The following CSMD1 variants were observed in gnomAD, a reference collection of about 807,000 sequenced individuals.
CSMD1 encodes CUB and sushi domain-containing protein 1.
A neutral mutation model predicts 417.5 loss-of-function variants in CSMD1; 213 were observed. The ratio of observed to expected loss-of-function variants is 0.51; its 90% CI spans 0.46 to 0.57. The LOEUF (loss-of-function observed/expected upper bound fraction) is 0.57, where lower values mean the gene tolerates loss of function less well. Ranked by LOEUF, CSMD1 falls within the 20% of genes least tolerant of loss-of-function variation. The probability of loss-of-function intolerance (pLI) is 0.00; values close to 1 mark genes in which losing one functional copy is unlikely to be tolerated. For synonymous variants in CSMD1, 2,862 were observed against 1,736.8 expected (o/e 1.65, Z -16.11); for missense variants, 6,923 against 4,529.7 (o/e 1.53, Z -15.17).
At chr8:3,912,949 A>G (rs2554702) in intron 5 of CSMD1, among the ~76,000 whole-genome samples, 61,938 of 152,024 alleles carry the variant, frequency 0.41, 15,052 homozygotes, top group African/African-American at 0.69. Flanking sequence ...GGGTGTGAAC[A>G]TGGATTGAGA....
intron 51 of CSMD1, 69 bp downstream of exon 51, chr8:3,029,250 C>T: frequency 7.6e-7 from 1 of 1,317,462 alleles, no homozygotes; most frequent in Non-Finnish European, 1.0e-6. Context: ...AGAAGCTCAC[C>T]ACTGACATAA....
intron 49 of CSMD1, among the ~76,000 whole-genome samples, chr8:3,061,938 G>C (rs982140958): frequency 1.3e-5 from 2 of 152,132 alleles, no homozygotes; most frequent in African/African-American, 4.8e-5. Flanking sequence ...TCAGATATCA[G>C]AGTAGCTGAT....
intron 23 of CSMD1, among the ~76,000 whole-genome samples, chr8:3,340,849 C>G (rs155328): frequency 0.98 from 149,824 of 152,154 alleles, 73,807 homozygotes; most frequent in East Asian, 1. Flanking sequence ...CCTGAGGAGT[C>G]TCCGGGTTTT....
intron 7 of CSMD1, among the ~76,000 whole-genome samples, chr8:3,642,564 G>A (rs1426022783): frequency 6.6e-6 from 1 of 152,140 alleles, no homozygotes; most frequent in Admixed American, 6.5e-5. Context: ...AGGAACAGAA[G>A]TTTGCATAAA....
At chr8:4,934,837 T>C (rs943809372) in intron 1 of CSMD1, among the ~76,000 whole-genome samples, 76 of 152,204 alleles carry the variant, frequency 5.0e-4, no homozygotes, top group African/African-American at 1.7e-3. Context: ...CTATCATCCA[T>C]CTATCAATCA....
At position 4,344,525 on chromosome 8, in the gene CSMD1, T is replaced by C. The variant is rs1051351024; in HGVS notation, c.415+75428A>G. Among the ~76,000 whole-genome samples the C allele has an allele frequency of 7.1e-4, 108 of 151,110 alleles. 1 individual carries two copies. Among genetic ancestry groups the C allele is most frequent in the African/African-American group, 2.4e-3 (101 of 41,370 alleles). On this transcript the variant is annotated intron_variant, in intron 3 of 69. Coordinates refer to ENST00000635120, the MANE Select transcript of CSMD1 (RefSeq NM_033225.6). ...TTTTCATAAAAATGATTGTCAGAAA[T>C]ATATATAAATAAATAGGTATATAAG...
chr8:4,159,716 G>A (rs1163565509), intron 3 of CSMD1, among the ~76,000 whole-genome samples: 6 of 152,104 alleles, frequency 3.9e-5, no homozygotes, highest in African/African-American at 7.2e-5. Context: ...AGCCTCCCGA[G>A]CAGCTGGGAC....
At chr8:4,924,202 C>T (rs1806697255) in intron 1 of CSMD1, among the ~76,000 whole-genome samples, 1 of 152,110 alleles carries the variant, frequency 6.6e-6, no homozygotes, top group Admixed American at 6.5e-5. Context: ...ATGTAGGATC[C>T]ACTTTGAGTT....
chr8:3,782,961 G>C (rs1248638772), intron 5 of CSMD1, among the ~76,000 whole-genome samples: 1 of 152,164 alleles, frequency 6.6e-6, no homozygotes. Context: ...AAACCAAATT[G>C]TAGGTACAGG....
intron 1 of CSMD1, among the ~76,000 whole-genome samples, chr8:4,955,966 C>G (rs910606841): frequency 6.6e-6 from 1 of 152,190 alleles, no homozygotes; most frequent in African/African-American, 2.4e-5. Flanking sequence ...AAACGCTGTG[C>G]TGCGTTCTGT....
chr8:3,025,267 T>C (rs541807539), intron 51 of CSMD1, among the ~76,000 whole-genome samples: 17 of 150,858 alleles, frequency 1.1e-4, no homozygotes, highest in East Asian at 3.9e-4. Flanking sequence ...ATTCTGAAAC[T>C]GTGTATTGTG....
rs181060626 is a variant in CSMD1, at chr8:4,123,156, A to C, written c.416-91057T>G. On this transcript the variant is annotated intron_variant, in intron 3 of 69. Coordinates refer to ENST00000635120, the MANE Select transcript of CSMD1 (RefSeq NM_033225.6). ...AAGATGAAGAATATTTAGGCAGTCC[A>C]TGCTGAGATGTTTTTTATAACTCGG... 3.5e-3 allele frequency among the ~76,000 whole-genome samples: 531 copies of C among 152,366 alleles called. 2 individuals are homozygous for C. The highest frequency in any genetic ancestry group is 0.012 in the African/African-American group (488 of 41,594).
intron 3 of CSMD1, among the ~76,000 whole-genome samples, chr8:4,223,018 A>G (rs187078775): frequency 2.0e-4 from 30 of 152,286 alleles, no homozygotes; most frequent in Admixed American, 6.5e-4. Flanking sequence ...CAAAAACATA[A>G]TAATAAGAAG....
chr8:4,911,810 C>T (rs963651860), intron 1 of CSMD1, among the ~76,000 whole-genome samples: 1 of 152,088 alleles, frequency 6.6e-6, no homozygotes. Flanking sequence ...ATTGGAGTTG[C>T]TCATTAAACT....
intron 1 of CSMD1, among the ~76,000 whole-genome samples, chr8:4,915,708 C>G (rs1806018494): frequency 6.6e-6 from 1 of 152,204 alleles, no homozygotes; most frequent in African/African-American, 2.4e-5. Context: ...GGGTCACGCC[C>G]TAAACATTAT....
intron 10 of CSMD1, among the ~76,000 whole-genome samples, chr8:3,505,193 A>C (rs553200995): frequency 1.6e-4 from 25 of 152,178 alleles, no homozygotes; most frequent in Admixed American, 7.9e-4. Context: ...AAAATGAGAG[A>C]CTGGGAATGT....
chr8:3,098,817 T>C (rs1009656086), intron 46 of CSMD1, among the ~76,000 whole-genome samples: 1 of 152,172 alleles, frequency 6.6e-6, no homozygotes, highest in African/African-American at 2.4e-5. Context: ...AGGGCTTTCC[T>C]TGGCTCTGAC....
chr8:3,338,132 C>G (rs1375670059), intron 23 of CSMD1, among the ~76,000 whole-genome samples: 4 of 152,176 alleles, frequency 2.6e-5, no homozygotes, highest in African/African-American at 4.8e-5. Context: ...AGGAGTCTGT[C>G]ATCCCTCTGA....
intron 3 of CSMD1, among the ~76,000 whole-genome samples, chr8:4,358,548 C>T (rs1801567373): frequency 1.3e-5 from 2 of 152,178 alleles, no homozygotes; most frequent in African/African-American, 2.4e-5. Context: ...ATATGGCCTA[C>T]AAAACTTAAA....
Sources: allele counts gnomAD v4.1 joint callset (sites outside exome capture counted in the v4.1 genomes callset), GRCh38; gene constraint gnomAD v4.1.1; transcripts MANE v1.5; gene names NCBI Gene and HGNC (gene_info 2026-07-23, HGNC 2026-07-21).